Variants in RAD18 observed in about 807,000 individuals in gnomAD.
The protein encoded by RAD18 is RAD18 E3 ubiquitin protein ligase.
Under a neutral mutation model 60.4 loss-of-function variants are expected in RAD18, and 47 were observed. That is an observed-to-expected ratio of 0.78 (90% CI 0.62 to 0.99). RAD18 has a LOEUF of 0.99. Ranked by LOEUF, RAD18 falls within the 50% of genes least tolerant of loss-of-function variation. The pLI, the probability that RAD18 is intolerant of heterozygous loss-of-function variation, is 0.00. For missense variants in RAD18, 640 were observed against 593.3 expected (o/e 1.08, Z -0.82); for synonymous variants, 225 against 195.5 (o/e 1.15, Z -1.26).
chr3:8,951,707 A>G (rs1428869738), intron 2 of RAD18, among the ~76,000 whole-genome samples: 3 of 152,256 alleles, frequency 2.0e-5, no homozygotes, highest in South Asian at 2.1e-4. Flanking sequence ...ATGCTTATGC[A>G]TAAGTGAAAT....
chr3:8,897,713 A>G (rs999609298), intron 11 of RAD18, among the ~76,000 whole-genome samples: 11 of 152,344 alleles, frequency 7.2e-5, no homozygotes, highest in Non-Finnish European at 1.6e-4. Context: ...TGATTCTGAT[A>G]GGTAGGCATT....
chr3:8,896,546 C>T (rs1049465464), intron 11 of RAD18, among the ~76,000 whole-genome samples: 2 of 152,220 alleles, frequency 1.3e-5, no homozygotes, highest in Non-Finnish European at 2.9e-5. Flanking sequence ...GCCTTACCTG[C>T]CCCAAAACAG....
intron 12 of RAD18, among the ~76,000 whole-genome samples, chr3:8,885,754 C>T (rs753060553): frequency 2.0e-5 from 3 of 152,182 alleles, no homozygotes; most frequent in African/African-American, 4.8e-5. Flanking sequence ...AAGGGGGATC[C>T]TAATGCATGT....
intron 7 of RAD18, among the ~76,000 whole-genome samples, chr3:8,928,361 C>A (rs1159175966): frequency 1.3e-5 from 2 of 151,976 alleles, no homozygotes; most frequent in African/African-American, 4.8e-5. Context: ...ATAGTTTAAA[C>A]CCTACAATTT....
rs757079832 is a variant in RAD18 at position 8,890,463 on chromosome 3, T to C, written c.1323-12A>G. 1.9e-6 allele frequency: 3 copies of C among 1,552,854 alleles called. No individual in the cohort carries two copies. Among genetic ancestry groups the C allele is most frequent in the Non-Finnish European group, 2.7e-6 (3 of 1,124,564 alleles). On this transcript the variant is annotated splice_polypyrimidine_tract_variant and intron_variant, in intron 11 of 12. Transcript: ENST00000264926. ...TGTCTGAACTGGAACTAAAAGGATA[T>C]GTACATCAGTATTGACAGACAACAA... is the stretch of plus-strand genomic sequence containing the variant.
intron 7 of RAD18, among the ~76,000 whole-genome samples, chr3:8,916,513 C>G (rs1940202508): frequency 6.6e-6 from 1 of 152,120 alleles, no homozygotes; most frequent in South Asian, 2.1e-4. Context: ...CTTACCTACA[C>G]TGTCTGGCTT....
chr3:8,940,224 G>A (rs1575557222), intron 5 of RAD18, among the ~76,000 whole-genome samples: 1 of 152,138 alleles, frequency 6.6e-6, no homozygotes, highest in Non-Finnish European at 1.5e-5. Flanking sequence ...GGATCTGTGG[G>A]GGTATCTCGG....
intron 4 of RAD18, 46 bp downstream of exon 4, chr3:8,947,174 T>C (rs200977051): frequency 6.2e-6 from 9 of 1,442,554 alleles, no homozygotes; most frequent in Non-Finnish European, 8.7e-6. Flanking sequence ...AGAACACATA[T>C]AAAAGGCAAA....
intron 10 of RAD18, 138 bp from the exon 11 acceptor site, chr3:8,899,185 G>A: frequency 1.7e-6 from 1 of 575,170 alleles, no homozygotes; most frequent in Non-Finnish European, 2.8e-6. Flanking sequence ...TCTAGTGACA[G>A]CCAGAGAGCA....
chr3:8,916,928 G>A (rs142323593), intron 7 of RAD18, among the ~76,000 whole-genome samples: 1 of 152,218 alleles, frequency 6.6e-6, no homozygotes, highest in East Asian at 1.9e-4. Context: ...AATCGTTGAA[G>A]AACTGTCTAG....
chr3:8,922,444 A>G (rs1314197352), intron 7 of RAD18, among the ~76,000 whole-genome samples: 10 of 152,204 alleles, frequency 6.6e-5, no homozygotes, highest in Non-Finnish European at 7.3e-5. Flanking sequence ...GGAGCCCACC[A>G]CAGCTCAAGG....
At chr3:8,913,284 T>C (rs1024032253) in intron 8 of RAD18, among the ~76,000 whole-genome samples, 1 of 152,196 alleles carries the variant, frequency 6.6e-6, no homozygotes, top group Non-Finnish European at 1.5e-5. Context: ...AATTGCAGAA[T>C]GCCAGAGCTA....
chr3:8,905,917 A>G (rs547904), intron 9 of RAD18, among the ~76,000 whole-genome samples: 106,292 of 152,098 alleles, frequency 0.7, 37,617 homozygotes, highest in Middle Eastern at 0.76. Flanking sequence ...CCAAGCACCA[A>G]TATACCTTGT....
In RAD18 at chr3:8,941,539, T is replaced by C. The variant is rs764118461; in HGVS notation, c.532A>G (p.Ile178Val). The C allele has an allele frequency of 1.9e-6, 3 of 1,614,104 alleles. No individual in the cohort carries two copies. Among genetic ancestry groups the C allele is most frequent in the East Asian group, 2.2e-5 (1 of 44,880 alleles). Residue 178 changes from isoleucine (I) to valine (V), a missense_variant, in exon 5 of 13, where the codon ATC becomes GTC. Ile to Val is a conservative substitution (Grantham distance 29). Coordinates refer to ENST00000264926, the MANE Select transcript of RAD18 (RefSeq NM_020165.4). Reference sequence around the variant, plus strand: ...TTAGCCTCTGAGGGATCTGGAGCGATCTCTTCTACAGAACGTGTCTCTTTG... The same window carrying C: ...TTAGCCTCTGAGGGATCTGGAGCGACCTCTTCTACAGAACGTGTCTCTTTG... ...KTKETRSVEE[I>V]APDPSEAKRP... is the part of the protein sequence containing the mutation.
At chr3:8,951,344 G>A (rs1940922277) in intron 2 of RAD18, among the ~76,000 whole-genome samples, 1 of 152,150 alleles carries the variant, frequency 6.6e-6, no homozygotes, top group Non-Finnish European at 1.5e-5. Flanking sequence ...GAAATATTTA[G>A]TGTTGAGAGA....
At chr3:8,940,767 T>C (rs1940733694) in intron 5 of RAD18, among the ~76,000 whole-genome samples, 1 of 152,198 alleles carries the variant, frequency 6.6e-6, no homozygotes, top group Admixed American at 6.5e-5. Context: ...AGGATCTGGA[T>C]AGAGTCTGGA....
At chr3:8,924,966 C>A (rs1170446530) in intron 7 of RAD18, among the ~76,000 whole-genome samples, 8 of 152,092 alleles carry the variant, frequency 5.3e-5, no homozygotes, top group Admixed American at 4.6e-4. Flanking sequence ...CAGGAAAGAT[C>A]TAAAATTGAC....
intron 2 of RAD18, among the ~76,000 whole-genome samples, chr3:8,954,751 C>G (rs1940980719): frequency 6.6e-6 from 1 of 151,940 alleles, no homozygotes; most frequent in Non-Finnish European, 1.5e-5. Context: ...CAATAAATAC[C>G]TAGGATTCTG....
chr3:8,906,907 G>T (rs577128364), intron 9 of RAD18, among the ~76,000 whole-genome samples: 1 of 151,400 alleles, frequency 6.6e-6, no homozygotes, highest in African/African-American at 2.4e-5. Flanking sequence ...GGGTTATTTC[G>T]AAATGGATTA....
Sources: gnomAD v4.1 joint callset for allele counts (sites outside exome capture counted in the v4.1 genomes callset) on GRCh38, gnomAD v4.1.1 for gene constraint, MANE v1.5 for transcripts, NCBI Gene and HGNC (gene_info 2026-07-23, HGNC 2026-07-21) for gene names.